The following GRM7 variants were observed in gnomAD, a reference collection of about 807,000 sequenced individuals.
GRM7 encodes the protein glutamate metabotropic receptor 7.
A neutral mutation model predicts 84.5 loss-of-function variants in GRM7; 35 were observed. The ratio of observed to expected loss-of-function variants is 0.41; its 90% CI spans 0.32 to 0.55. The LOEUF (loss-of-function observed/expected upper bound fraction) is 0.55, where lower values mean the gene tolerates loss of function less well. Ranked by LOEUF, GRM7 falls within the 20% of genes least tolerant of loss-of-function variation. The pLI, the probability that GRM7 is intolerant of heterozygous loss-of-function variation, is 0.19. For missense variants in GRM7, 1,003 were observed against 1,194.6 expected (o/e 0.84, Z 2.36); for synonymous variants, 487 against 455.1 (o/e 1.07, Z -0.89).
In GRM7 at chr3:7,028,449, A is replaced by G. The variant is rs185299241; in HGVS notation, c.520-118003A>G. On this transcript the variant is annotated intron_variant, in intron 1 of 9. Coordinates refer to ENST00000357716, the MANE Select transcript of GRM7 (RefSeq NM_000844.4). ...ATGAGGGAATCTGTGTGTTAGTTTT[A>G]AAACTTTCAGATAATAATAACCTTG... Among the ~76,000 whole-genome samples, 371 of 152,348 alleles carry G rather than the reference A, an allele frequency of 2.4e-3. 2 individuals are homozygous for G. The highest frequency in any genetic ancestry group is 4.5e-3 in the Non-Finnish European group (309 of 68,032).
At chr3:7,541,201 A>T in intron 7 of GRM7, among the ~76,000 whole-genome samples, 1 of 152,126 alleles carries the variant, frequency 6.6e-6, no homozygotes, top group East Asian at 1.9e-4. Context: ...CAGATGTAAT[A>T]TGGCATTAGG....
At chr3:7,662,766 A>T (rs1699523858) in intron 8 of GRM7, among the ~76,000 whole-genome samples, 1 of 152,224 alleles carries the variant, frequency 6.6e-6, no homozygotes, top group Non-Finnish European at 1.5e-5. Context: ...GAGTGTACAG[A>T]TGTTCTTTGT....
chr3:7,000,106 T>A lies in GRM7; in HGVS notation c.519+138199T>A, dbSNP rs143151642. On this transcript the variant is annotated intron_variant, in intron 1 of 9. Transcript: ENST00000357716. Reference sequence around the variant, plus strand: ...CAAGATTTGTTCTCTCATGCTAAAGTTTTTTGTAACTTTTTTTCATCAATA... The same window carrying A: ...CAAGATTTGTTCTCTCATGCTAAAGATTTTTGTAACTTTTTTTCATCAATA... Among the ~76,000 whole-genome samples the A allele has an allele frequency of 2.7e-3, 411 of 151,822 alleles. 2 individuals carry two copies. The highest frequency in any genetic ancestry group is 3.6e-3 in the Non-Finnish European group (247 of 67,962).
chr3:7,034,517 G>T (rs1696306542), intron 1 of GRM7, among the ~76,000 whole-genome samples: 1 of 152,022 alleles, frequency 6.6e-6, no homozygotes, highest in South Asian at 2.1e-4. Context: ...ACATATGTTT[G>T]TGTATATGTA....
intron 7 of GRM7, among the ~76,000 whole-genome samples, chr3:7,516,666 G>A (rs2124984657): frequency 6.6e-6 from 1 of 152,156 alleles, no homozygotes; most frequent in East Asian, 1.9e-4. Context: ...ATGAGCTGGA[G>A]CATTGAATGG....
At chr3:7,505,688 C>T (rs113002055) in intron 7 of GRM7, among the ~76,000 whole-genome samples, 3 of 152,188 alleles carry the variant, frequency 2.0e-5, no homozygotes, top group Admixed American at 6.5e-5. Flanking sequence ...TTCTGAAGCA[C>T]TGGGACCATT....
At chr3:7,602,773 A>C (rs968401249) in intron 8 of GRM7, among the ~76,000 whole-genome samples, 3 of 152,188 alleles carry the variant, frequency 2.0e-5, no homozygotes, top group African/African-American at 7.2e-5. Flanking sequence ...GTAGTCAATG[A>C]GGAATTCTTT....
At chr3:7,210,798 A>G (rs888037068) in intron 2 of GRM7, among the ~76,000 whole-genome samples, 1 of 68,540 alleles carries the variant, frequency 1.5e-5, no homozygotes, top group Admixed American at 1.5e-4. Context: ...CATGCTGTGT[A>G]TTGTTTTTTT....
intron 9 of GRM7, among the ~76,000 whole-genome samples, chr3:7,689,386 G>A (rs2125149477): frequency 6.6e-6 from 1 of 152,228 alleles, no homozygotes; most frequent in Middle Eastern, 3.4e-3. Flanking sequence ...TGTAACTGGA[G>A]ACCACCTCCA....
At chr3:7,717,875 A>T (rs917993579) in intron 9 of GRM7, among the ~76,000 whole-genome samples, 1 of 152,226 alleles carries the variant, frequency 6.6e-6, no homozygotes, top group Admixed American at 6.5e-5. Context: ...AGAATCACTC[A>T]CTGTGGCATC....
At chr3:6,999,964 G>A (rs1694952187) in intron 1 of GRM7, among the ~76,000 whole-genome samples, 1 of 152,054 alleles carries the variant, frequency 6.6e-6, no homozygotes, top group Admixed American at 6.5e-5. Context: ...AATAAAAGAT[G>A]TATTAATTTC....
intron 1 of GRM7, among the ~76,000 whole-genome samples, chr3:6,963,334 G>A (rs1516570): frequency 0.31 from 46,459 of 152,050 alleles, 7,248 homozygotes; most frequent in Non-Finnish European, 0.34. Flanking sequence ...ATATAATTAA[G>A]AACAACATCC....
At chr3:7,491,760 A>G (rs1384510443) in intron 7 of GRM7, among the ~76,000 whole-genome samples, 2 of 152,220 alleles carry the variant, frequency 1.3e-5, no homozygotes, top group Non-Finnish European at 2.9e-5. Flanking sequence ...ATTTGAAAAG[A>G]CAATAGGAAG....
intron 9 of GRM7, among the ~76,000 whole-genome samples, chr3:7,736,712 G>A (rs1048115322): frequency 6.6e-6 from 1 of 152,152 alleles, no homozygotes; most frequent in Admixed American, 6.5e-5. Context: ...CCTATGAGTG[G>A]ATGGAGGGGC....
At chr3:7,349,546 A>T (rs2125089349) in intron 4 of GRM7, among the ~76,000 whole-genome samples, 1 of 152,312 alleles carries the variant, frequency 6.6e-6, no homozygotes, top group East Asian at 1.9e-4. Context: ...CGAAGTAGAT[A>T]AAGGGCAACA....
In GRM7 at chr3:7,298,797, G is replaced by T. The variant is rs772917243; in HGVS notation, c.850G>T (p.Val284Leu). ...GGACACCCCCAACTCCAGGGCCGTC[G>T]TGATTTTTGCCAACGATGAGGATAT... ...LLDTPNSRAV[V>L]IFANDEDIKQ... is the part of the protein sequence containing the mutation. The change falls in exon 3 of 10, where the codon GTG (valine) becomes TTG (leucine). Residue 284 changes from valine (V) to leucine (L), a missense_variant. Physicochemically the swap from Val to Leu is conservative, Grantham distance 32. Coordinates refer to ENST00000357716, the MANE Select transcript of GRM7 (RefSeq NM_000844.4). The T allele has an allele frequency of 1.2e-6, 2 of 1,613,558 alleles. No individual in the cohort carries two copies. The highest frequency in any genetic ancestry group is 1.7e-5 in the Admixed American group (1 of 59,972).
At chr3:6,864,255 T>C (rs141587705) in intron 1 of GRM7, among the ~76,000 whole-genome samples, 223 of 152,322 alleles carry the variant, frequency 1.5e-3, no homozygotes, top group African/African-American at 4.7e-3. Context: ...CACCAACTTG[T>C]AGCTTGGGAT....
At chr3:7,670,275 T>C (rs1358709883) in intron 8 of GRM7, among the ~76,000 whole-genome samples, 1 of 152,102 alleles carries the variant, frequency 6.6e-6, no homozygotes, top group Non-Finnish European at 1.5e-5. Context: ...GGAGCTATCA[T>C]AGCTTGGTGG....
At chr3:6,949,589 C>T (rs894959244) in intron 1 of GRM7, among the ~76,000 whole-genome samples, 1 of 151,558 alleles carries the variant, frequency 6.6e-6, no homozygotes, top group South Asian at 2.1e-4. Flanking sequence ...TTTCCTGAAT[C>T]TGAATGTTGG....
Sources: allele counts gnomAD v4.1 joint callset (sites outside exome capture counted in the v4.1 genomes callset), GRCh38; gene constraint gnomAD v4.1.1; transcripts MANE v1.5; gene names NCBI Gene and HGNC (gene_info 2026-07-23, HGNC 2026-07-21).